Variants in SEMA3E observed in about 807,000 individuals in gnomAD.
The protein encoded by SEMA3E is semaphorin-3E.
SEMA3E carries 49 observed loss-of-function variants against 93.6 expected under a neutral mutation model. The observed-to-expected ratio is 0.52, with a 90% confidence interval of 0.42 to 0.66. The LOEUF is 0.66. SEMA3E is among the 30% of genes least tolerant of loss of function. SEMA3E has a pLI of 0.00. For missense variants in SEMA3E, 906 were observed against 964.8 expected (o/e 0.94, Z 0.81); for synonymous variants, 363 against 330.7 (o/e 1.10, Z -1.06).
At chr7:83,618,947 C>A (rs1375042773) in intron 1 of SEMA3E, among the ~76,000 whole-genome samples, 1 of 151,788 alleles carries the variant, frequency 6.6e-6, no homozygotes, top group Non-Finnish European at 1.5e-5. Context: ...ACTGTATACA[C>A]ACATAGAAAA....
intron 2 of SEMA3E, among the ~76,000 whole-genome samples, chr7:83,470,594 T>A (rs909758664): frequency 1.4e-4 from 21 of 152,154 alleles, no homozygotes; most frequent in African/African-American, 4.1e-4. Flanking sequence ...TTCTTCCCAT[T>A]CCATGTTTTA....
At chr7:83,566,412 G>A (rs1260385934) in intron 1 of SEMA3E, among the ~76,000 whole-genome samples, 2 of 151,904 alleles carry the variant, frequency 1.3e-5, no homozygotes, top group African/African-American at 4.8e-5. Context: ...ATTTGCTCAT[G>A]TTTTCTATTT....
intron 1 of SEMA3E, among the ~76,000 whole-genome samples, chr7:83,576,828 T>C (rs1383425021): frequency 6.6e-6 from 1 of 152,120 alleles, no homozygotes; most frequent in African/African-American, 2.4e-5. Flanking sequence ...GGTTTCGCCA[T>C]GTTGGGCAGG....
At chr7:83,418,722 A>G (rs1315258631) in intron 4 of SEMA3E, among the ~76,000 whole-genome samples, 4 of 152,142 alleles carry the variant, frequency 2.6e-5, no homozygotes, top group African/African-American at 4.8e-5. Flanking sequence ...AGAAAATAGC[A>G]CTTTTTAAAT....
At chr7:83,614,303 G>A (rs1404831445) in intron 1 of SEMA3E, among the ~76,000 whole-genome samples, 1 of 152,106 alleles carries the variant, frequency 6.6e-6, no homozygotes, top group African/African-American at 2.4e-5. Flanking sequence ...ACTATGGACA[G>A]CCAGCCAGAA....
intron 4 of SEMA3E, among the ~76,000 whole-genome samples, chr7:83,441,393 C>T (rs2709943): frequency 0.97 from 147,954 of 152,182 alleles, 72,068 homozygotes; most frequent in Middle Eastern, 1. Flanking sequence ...AATAAAAACT[C>T]GATACAGCAT....
At chr7:83,594,096 T>G (rs937177128) in intron 1 of SEMA3E, among the ~76,000 whole-genome samples, 4 of 152,170 alleles carry the variant, frequency 2.6e-5, no homozygotes, top group African/African-American at 7.2e-5. Context: ...ATATGGTGAA[T>G]TATGCCAATA....
At position 83,548,854 on chromosome 7, in the gene SEMA3E, A is replaced by G. The variant is rs544635085; in HGVS notation, c.116-58580T>C. On this transcript the variant is annotated intron_variant, in intron 1 of 16. Transcript: ENST00000643230. ...ATGCTCCAACTCTGACCTGGGTCCA[A>G]TAAGGACCTATCTTATTCACAAATT... Among the ~76,000 whole-genome samples, 9 of 152,206 alleles carry G rather than the reference A, an allele frequency of 5.9e-5. No homozygotes were observed. In the South Asian group the frequency reaches 1.7e-3, roughly 28 times the overall value.
chr7:83,492,366 C>T (rs546390049), intron 1 of SEMA3E, among the ~76,000 whole-genome samples: 4 of 152,086 alleles, frequency 2.6e-5, no homozygotes, highest in South Asian at 2.1e-4. Context: ...TATCCCTGCA[C>T]GCACATGGCA....
chr7:83,505,771 T>C (rs1790688973), intron 1 of SEMA3E, among the ~76,000 whole-genome samples: 1 of 152,006 alleles, frequency 6.6e-6, no homozygotes. Context: ...ATCCCAGCAC[T>C]TTGGGATGCC....
At chr7:83,412,735 C>G (rs1282472291) in intron 5 of SEMA3E, among the ~76,000 whole-genome samples, 1 of 144,370 alleles carries the variant, frequency 6.9e-6, no homozygotes, top group Non-Finnish European at 1.5e-5. Context: ...GCACTCCAGC[C>G]GAGCCAGACC....
intron 5 of SEMA3E, among the ~76,000 whole-genome samples, chr7:83,412,761 T>TAAAAAAAAAAA (rs35717519): frequency 7.0e-6 from 1 of 143,628 alleles, no homozygotes; most frequent in African/African-American, 2.8e-5. Context: ...TAAAAAAAGA[T>TAAAAAAAAAAA]AAAAAAAAAA....
intron 4 of SEMA3E, among the ~76,000 whole-genome samples, chr7:83,419,994 G>A (rs1686576933): frequency 6.6e-6 from 1 of 152,048 alleles, no homozygotes; most frequent in Non-Finnish European, 1.5e-5. Context: ...AATAGAAAAA[G>A]AAGTCAAACG....
intron 11 of SEMA3E, among the ~76,000 whole-genome samples, chr7:83,397,675 TAAC>T (rs1255764863): frequency 1.3e-5 from 2 of 152,180 alleles, no homozygotes; most frequent in East Asian, 3.8e-4. Context: ...ATAAAAATTT[TAAC>T]AACACATTAA....
chr7:83,519,635 A>T (rs1420462442), intron 1 of SEMA3E, among the ~76,000 whole-genome samples: 1 of 152,152 alleles, frequency 6.6e-6, no homozygotes, highest in Non-Finnish European at 1.5e-5. Context: ...TATGAGTATC[A>T]TAGCTCCGGG....
intron 2 of SEMA3E, among the ~76,000 whole-genome samples, chr7:83,489,433 G>C (rs1327432834): frequency 3.6e-5 from 3 of 83,554 alleles, no homozygotes; most frequent in Non-Finnish European, 7.1e-5. Flanking sequence ...ATATGGACAT[G>C]GCTCATAAAC....
chr7:83,531,175 C>G (rs1277596203), intron 1 of SEMA3E, among the ~76,000 whole-genome samples: 3 of 151,576 alleles, frequency 2.0e-5, no homozygotes, highest in African/African-American at 7.3e-5. Flanking sequence ...ATTAAAATGA[C>G]TCTATAATTA....
chr7:83,604,991 A>G (rs930226634), intron 1 of SEMA3E, among the ~76,000 whole-genome samples: 19 of 152,192 alleles, frequency 1.2e-4, no homozygotes, highest in African/African-American at 4.3e-4. Context: ...ATAGGATTCC[A>G]TGGTGTATAT....
intron 2 of SEMA3E, among the ~76,000 whole-genome samples, chr7:83,479,807 C>CT (rs1790105798): frequency 6.6e-6 from 1 of 152,150 alleles, no homozygotes; most frequent in Admixed American, 6.5e-5. Context: ...CTGTTACACT[C>CT]TGGTCTCTGC....
Sources: gnomAD v4.1 joint callset for allele counts (sites outside exome capture counted in the v4.1 genomes callset) on GRCh38, gnomAD v4.1.1 for gene constraint, MANE v1.5 for transcripts, NCBI Gene and HGNC (gene_info 2026-07-23, HGNC 2026-07-21) for gene names.